The following RFC3 variants were observed in gnomAD, a reference collection of about 807,000 sequenced individuals.
RFC3 encodes the protein replication factor C subunit 3, also known as A1 38 kDa subunit.
Under a neutral mutation model 45.1 loss-of-function variants are expected in RFC3, and 41 were observed. That is an observed-to-expected ratio of 0.91 (90% confidence interval 0.71 to 1.18). RFC3 has a LOEUF of 1.18. RFC3 is among the 50% of genes most tolerant of loss of function. The pLI is 0.00. For synonymous variants in RFC3, 149 were observed against 144.0 expected, an observed-to-expected ratio of 1.03 and a Z score of -0.25; for missense variants, 423 against 428.1, an observed-to-expected ratio of 0.99 and a Z score of 0.10.
chr13:33,904,280 G>T (rs2082658994), intron 8 of RFC3, among the ~76,000 whole-genome samples: 1 of 151,990 alleles, frequency 6.6e-6, no homozygotes, highest in Non-Finnish European at 1.5e-5. Context: ...TAAAAAATCA[G>T]TTGTTCTGCC....
chr13:33,865,818 C>T (rs190948943), intron 8 of RFC3, among the ~76,000 whole-genome samples: 84 of 152,276 alleles, frequency 5.5e-4, no homozygotes, highest in African/African-American at 1.9e-3. Flanking sequence ...CTTTGGGAGG[C>T]TGAGGCGGGT....
rs2082085681 is a variant in RFC3 at position 33,829,879 on chromosome 13, G to A, written c.435G>A (p.Gln145=). The stretch of plus-strand genomic sequence containing the variant: ...TTGACAAACTCACCAAAGATGCTCA[G>A]CATGCCTTGCGAAGAACCATGGAAA... The part of the protein sequence containing the change: ...TEVDKLTKDA[Q]HALRRTMEKY... Residue 145 remains glutamine, a synonymous_variant, in exon 5 of 9, where the codon CAG becomes CAA. Transcript: ENST00000380071. 6.2e-7 allele frequency: 1 copy of A among 1,613,990 alleles called. No homozygotes were observed. The highest frequency in any genetic ancestry group is 1.3e-5 in the African/African-American group (1 of 74,920).
intron 8 of RFC3, among the ~76,000 whole-genome samples, chr13:33,925,608 A>G (rs1232790254): frequency 1.3e-5 from 2 of 150,890 alleles, no homozygotes; most frequent in Admixed American, 6.6e-5. Flanking sequence ...ACATACATAT[A>G]TAGTGTACTA....
intron 8 of RFC3, among the ~76,000 whole-genome samples, chr13:33,941,596 T>C (rs79445071): frequency 0.024 from 3,665 of 152,306 alleles, 130 homozygotes; most frequent in African/African-American, 0.08. Flanking sequence ...TAACTGCCAT[T>C]GTTTCTGTCA....
chr13:33,889,212 A>G (rs1402701540), intron 8 of RFC3, among the ~76,000 whole-genome samples: 2 of 152,266 alleles, frequency 1.3e-5, no homozygotes, highest in Non-Finnish European at 2.9e-5. Flanking sequence ...TGTTCACTAC[A>G]CTATTCTTGG....
chr13:33,928,837 G>GC (rs571075889), intron 8 of RFC3, among the ~76,000 whole-genome samples: 83 of 151,640 alleles, frequency 5.5e-4, no homozygotes, highest in African/African-American at 2.0e-3. Context: ...CAATGTCTGG[G>GC]GGGGGAAGTG....
At chr13:33,894,485 G>A (rs1039269262) in intron 8 of RFC3, among the ~76,000 whole-genome samples, 2 of 152,138 alleles carry the variant, frequency 1.3e-5, no homozygotes, top group Admixed American at 6.5e-5. Flanking sequence ...ATATAATCTC[G>A]AGTGGGGACA....
At chr13:33,969,912 T>C (rs1566046679), downstream of RFC3, among the ~76,000 whole-genome samples, 1 of 147,400 alleles carries the variant, frequency 6.8e-6, no homozygotes, top group East Asian at 2.0e-4. Context: ...TCAGATTTGT[T>C]TTTTTTTTTT....
At chr13:33,922,406 A>G (rs1373581846) in intron 8 of RFC3, among the ~76,000 whole-genome samples, 2 of 152,074 alleles carry the variant, frequency 1.3e-5, no homozygotes, top group Admixed American at 1.3e-4. Context: ...TTAAGGACCC[A>G]AGCTAATCAT....
At chr13:33,932,023 C>T (rs1371253335) in intron 8 of RFC3, among the ~76,000 whole-genome samples, 1 of 151,956 alleles carries the variant, frequency 6.6e-6, no homozygotes. Flanking sequence ...TTTATATTGC[C>T]TTTGTTGTGC....
Position 33,821,164 on chromosome 13 carries a change from G to T in RFC3, c.120G>T (p.Val40=). ...GTGGTGACTTTCCTCATCTGTTAGT[G>T]TACGGACCATCAGGTGCTGGAAAAA... ...VQCGDFPHLL[V]YGPSGAGKKT... The change falls in exon 2 of 9, where the codon GTG becomes GTT. Residue 40 remains valine, a synonymous_variant. Coordinates refer to ENST00000380071, the MANE Select transcript of RFC3 (RefSeq NM_002915.4). The T allele has an allele frequency of 6.2e-7, 1 of 1,613,652 alleles. No individual in the cohort carries two copies. The highest frequency in any genetic ancestry group is 8.5e-7 in the Non-Finnish European group (1 of 1,179,764).
intron 8 of RFC3, among the ~76,000 whole-genome samples, chr13:33,881,061 C>G (rs1279992810): frequency 6.6e-6 from 1 of 151,764 alleles, no homozygotes; most frequent in African/African-American, 2.4e-5. Flanking sequence ...GTCTCAAAAA[C>G]AAACAAACAA....
At chr13:33,940,288 A>G (rs977395308) in intron 8 of RFC3, among the ~76,000 whole-genome samples, 2 of 152,108 alleles carry the variant, frequency 1.3e-5, no homozygotes, top group Non-Finnish European at 2.9e-5. Context: ...GATATTTACT[A>G]TCAGGTTCAA....
chr13:33,901,614 A>C (rs2082642424), intron 8 of RFC3, among the ~76,000 whole-genome samples: 1 of 152,010 alleles, frequency 6.6e-6, no homozygotes, highest in African/African-American at 2.4e-5. Context: ...AATAAGACCT[A>C]GTGTTTGATA....
At chr13:33,901,740 A>G (rs970911767) in intron 8 of RFC3, among the ~76,000 whole-genome samples, 1 of 152,110 alleles carries the variant, frequency 6.6e-6, no homozygotes, top group Non-Finnish European at 1.5e-5. Context: ...TGGTTATCCC[A>G]TGTACATTGA....
chr13:33,878,988 T>A (rs2082465454), intron 8 of RFC3, among the ~76,000 whole-genome samples: 1 of 152,162 alleles, frequency 6.6e-6, no homozygotes, highest in Admixed American at 6.5e-5. Context: ...AGAAGTGATT[T>A]CTTAGCACTT....
chr13:33,953,326 A>T (rs1404237478), intron 8 of RFC3, among the ~76,000 whole-genome samples: 1 of 1,622 alleles, frequency 6.2e-4, no homozygotes, highest in Admixed American at 0.024. Context: ...TTGCTCTTTA[A>T]AAAAAAAAAA....
At chr13:33,959,534 T>G (rs1047066665) in intron 8 of RFC3, among the ~76,000 whole-genome samples, 2 of 152,166 alleles carry the variant, frequency 1.3e-5, no homozygotes, top group Non-Finnish European at 2.9e-5. Flanking sequence ...ATTCTCAATC[T>G]CCTCACTCCC....
At position 33,821,021 on chromosome 13, in the gene RFC3, T is replaced by C. The variant is rs1245603734; in HGVS notation, c.88-111T>C. 3.8e-6 allele frequency: 4 copies of C among 1,059,944 alleles called. No individual in the cohort carries two copies. In the Admixed American group the frequency reaches 7.0e-5, roughly 19 times the overall value. 65.7% of individuals were successfully genotyped at this position (1,059,944 alleles called of 1,614,324 possible). On this transcript the variant is annotated intron_variant, in intron 1 of 8. Transcript: ENST00000380071. ...AAATTGGGTGTATCTACTCATGAAC[T>C]GGGAGTTTCATGGGTAGACACATAA...
Sources: gnomAD v4.1 joint callset for allele counts (sites outside exome capture counted in the v4.1 genomes callset) on GRCh38, gnomAD v4.1.1 for gene constraint, MANE v1.5 for transcripts, NCBI Gene and HGNC (gene_info 2026-07-23, HGNC 2026-07-21) for gene names.